The following MAP2K6 variants were observed in gnomAD, a reference collection of about 807,000 sequenced individuals.
MAP2K6 encodes the protein dual specificity mitogen-activated protein kinase kinase 6.
Under a neutral mutation model 53.7 loss-of-function variants are expected in MAP2K6, and 16 were observed. That is an observed-to-expected ratio of 0.30 (90% confidence interval 0.20 to 0.45). The LOEUF (loss-of-function observed/expected upper bound fraction) is 0.45. Ranked by LOEUF, MAP2K6 falls within the 20% of genes least tolerant of loss-of-function variation. MAP2K6 has a pLI of 1.00. For missense variants in MAP2K6, 204 were observed against 411.9 expected, an observed-to-expected ratio of 0.50 and a Z score of 4.37; for synonymous variants, 132 against 143.1, an observed-to-expected ratio of 0.92 and a Z score of 0.55.
chr17:69,451,057 C>T (rs951944638), intron 1 of MAP2K6, among the ~76,000 whole-genome samples: 2 of 152,086 alleles, frequency 1.3e-5, no homozygotes, highest in African/African-American at 4.8e-5. Context: ...GAGAAAACAG[C>T]GTGAATAAGG....
At chr17:69,434,141 C>G (rs1262132119) in intron 1 of MAP2K6, 4 of 152,038 alleles carry the variant, frequency 2.6e-5, no homozygotes, top group African/African-American at 9.7e-5. Flanking sequence ...GCAAATCTAC[C>G]CCTAAAAGAT....
At chr17:69,513,307 A>C (rs1909964523) in intron 2 of MAP2K6, among the ~76,000 whole-genome samples, 1 of 152,204 alleles carries the variant, frequency 6.6e-6, no homozygotes, top group Non-Finnish European at 1.5e-5. Flanking sequence ...CTCGATGGGA[A>C]TCGCAAGAGC....
Position 69,459,438 on chromosome 17 carries a change from A to G in MAP2K6, c.16+44438A>G, listed in dbSNP as rs185434971. Reference sequence around the variant, plus strand: ...AGGAAATAGAATAAGAAATACATACACTGGGGATCATGCCTATAATCCCAG... The same window carrying G: ...AGGAAATAGAATAAGAAATACATACGCTGGGGATCATGCCTATAATCCCAG... On this transcript the variant is annotated intron_variant, in intron 1 of 11. Coordinates refer to ENST00000590474, the MANE Select transcript of MAP2K6 (RefSeq NM_002758.4). Among the ~76,000 whole-genome samples the G allele has an allele frequency of 3.7e-3, 562 of 152,154 alleles. 2 individuals carry two copies. The highest frequency in any genetic ancestry group is 0.012 in the African/African-American group (507 of 41,526).
chr17:69,432,093 G>T (rs1019654161), intron 1 of MAP2K6, among the ~76,000 whole-genome samples: 2 of 152,154 alleles, frequency 1.3e-5, no homozygotes, highest in East Asian at 3.8e-4. Context: ...GATGTCATAC[G>T]CAGACTGAAA....
chr17:69,497,340 C>T (rs1908991091), intron 1 of MAP2K6, among the ~76,000 whole-genome samples: 1 of 152,186 alleles, frequency 6.6e-6, no homozygotes, highest in South Asian at 2.1e-4. Context: ...GAAAAACATA[C>T]TTGAGCTGAG....
chr17:69,518,207 A>ATAG (rs1456406181), intron 4 of MAP2K6, among the ~76,000 whole-genome samples: 1 of 151,552 alleles, frequency 6.6e-6, no homozygotes, highest in Non-Finnish European at 1.5e-5. Context: ...ATTAATAATA[A>ATAG]TAATAATAAT....
chr17:69,457,851 A>T (rs117875444), intron 1 of MAP2K6, among the ~76,000 whole-genome samples: 2,251 of 152,228 alleles, frequency 0.015, 17 homozygotes, highest in Non-Finnish European at 0.022. Flanking sequence ...CTCCAATCTC[A>T]CCCCAGAGCT....
chr17:69,498,229 A>T (rs943814369), intron 1 of MAP2K6, among the ~76,000 whole-genome samples: 1 of 152,208 alleles, frequency 6.6e-6, no homozygotes, highest in African/African-American at 2.4e-5. Context: ...GGGGGATGTG[A>T]CAAGAGCCTT....
At position 69,507,519 on chromosome 17, in the gene MAP2K6, G is replaced by A. The variant is rs191329881; in HGVS notation, c.83+1673G>A. On this transcript the variant is annotated intron_variant, in intron 2 of 11. Coordinates refer to ENST00000590474, the MANE Select transcript of MAP2K6 (RefSeq NM_002758.4). ...TCTCCGTCCTTAATCCCCAGCAACC[G>A]CTAATCTGTTCTCCTTTGCCATTTT... Among the ~76,000 whole-genome samples the A allele has an allele frequency of 2.0e-3, 304 of 152,040 alleles. 1 individual carries two copies. Among genetic ancestry groups the A allele is most frequent in the African/African-American group, 6.9e-3 (288 of 41,444 alleles).
intron 9 of MAP2K6, among the ~76,000 whole-genome samples, chr17:69,525,720 ACC>A (rs1383444694): frequency 6.6e-6 from 1 of 152,086 alleles, no homozygotes; most frequent in Non-Finnish European, 1.5e-5. Flanking sequence ...TGGGGGAACC[ACC>A]CCCATGATTC....
chr17:69,446,595 A>C (rs913891679), intron 1 of MAP2K6, among the ~76,000 whole-genome samples: 4 of 152,236 alleles, frequency 2.6e-5, no homozygotes, highest in African/African-American at 9.6e-5. Context: ...TGAGGAAACC[A>C]AAGTTCAGGG....
chr17:69,495,277 C>T (rs751242316), intron 1 of MAP2K6, among the ~76,000 whole-genome samples: 4 of 150,790 alleles, frequency 2.7e-5, no homozygotes, highest in Non-Finnish European at 4.4e-5. Flanking sequence ...TCGCTCTTGT[C>T]GCCCAAGCTG....
intron 1 of MAP2K6, among the ~76,000 whole-genome samples, chr17:69,439,431 A>C (rs553742347): frequency 1.3e-5 from 2 of 152,346 alleles, no homozygotes; most frequent in South Asian, 4.1e-4. Flanking sequence ...ACCATTTATT[A>C]GATGCCTGAG....
intron 1 of MAP2K6, among the ~76,000 whole-genome samples, chr17:69,490,393 G>C (rs1190904890): frequency 6.6e-6 from 1 of 152,210 alleles, no homozygotes; most frequent in Non-Finnish European, 1.5e-5. Flanking sequence ...GGATTAGCCA[G>C]TTCTTTGTTT....
At chr17:69,454,826 T>C (rs1405773528) in intron 1 of MAP2K6, among the ~76,000 whole-genome samples, 1 of 152,242 alleles carries the variant, frequency 6.6e-6, no homozygotes, top group African/African-American at 2.4e-5. Flanking sequence ...CATTTGAAGA[T>C]ATAGATATGG....
chr17:69,514,158 T>C (rs1281548134), intron 2 of MAP2K6, among the ~76,000 whole-genome samples: 2 of 152,176 alleles, frequency 1.3e-5, no homozygotes, highest in Admixed American at 6.5e-5. Flanking sequence ...AGGATTTTTG[T>C]TGTTTATATT....
intron 1 of MAP2K6, among the ~76,000 whole-genome samples, chr17:69,475,607 G>A (rs1908125558): frequency 6.6e-6 from 1 of 152,244 alleles, no homozygotes; most frequent in South Asian, 2.1e-4. Flanking sequence ...GAAGTCTTAT[G>A]TTGCCTATTC....
Position 69,526,716 on chromosome 17 carries a change from C to T in MAP2K6, c.881+7C>T. On this transcript the variant is annotated splice_region_variant and intron_variant, in intron 10 of 11. Transcript: ENST00000590474. ...TTGACTTTACCTCACAGTGGTAAGA[C>T]AGCCTCACCTCCCAAGTGTCAGTGT... 1 of 1,610,676 alleles carries T rather than the reference C, an allele frequency of 6.2e-7. No homozygotes were observed. Among genetic ancestry groups the T allele is most frequent in the Non-Finnish European group, 8.5e-7 (1 of 1,179,564 alleles).
At chr17:69,515,430 T>C (rs1910092122) in intron 2 of MAP2K6, among the ~76,000 whole-genome samples, 1 of 152,244 alleles carries the variant, frequency 6.6e-6, no homozygotes. Flanking sequence ...GTGCTGGGAT[T>C]ACAGCTGTGA....
Sources: allele counts gnomAD v4.1 joint callset (sites outside exome capture counted in the v4.1 genomes callset), GRCh38; gene constraint gnomAD v4.1.1; transcripts MANE v1.5; gene names NCBI Gene and HGNC (gene_info 2026-07-23, HGNC 2026-07-21).